Variants in INSR observed in about 807,000 individuals in gnomAD.
INSR encodes the protein insulin receptor, also known as IR.
In INSR, 67 loss-of-function variants were observed where a neutral mutation model predicts 142.6. That is an observed-to-expected ratio of 0.47 (90% CI 0.39 to 0.58). The LOEUF (loss-of-function observed/expected upper bound fraction) is 0.58, where lower values mean the gene tolerates loss of function less well. INSR is among the 20% of genes least tolerant of loss of function. The pLI is 0.00. For missense variants in INSR, 1,248 were observed against 1,833.2 expected (o/e 0.68, Z 5.83); for synonymous variants, 756 against 743.1 (o/e 1.02, Z -0.28).
chr19:7,214,811 C>T (rs1975382270), intron 2 of INSR, among the ~76,000 whole-genome samples: 1 of 144,960 alleles, frequency 6.9e-6, no homozygotes, highest in Admixed American at 6.9e-5. Context: ...TCCTCCCTCC[C>T]CTCCCTCCCT....
chr19:7,257,447 G>A (rs996928242), intron 2 of INSR, among the ~76,000 whole-genome samples: 1 of 151,468 alleles, frequency 6.6e-6, no homozygotes, highest in African/African-American at 2.4e-5. Flanking sequence ...GGGGAAAGGC[G>A]GGGTGGGAGG....
rs139953552 is a variant in INSR, at chr19:7,144,558, C to T, written c.2268-1468G>A. Among the ~76,000 whole-genome samples, 823 of 152,228 alleles carry T rather than the reference C, an allele frequency of 5.4e-3. 10 individuals are homozygous for T. Among genetic ancestry groups the T allele is most frequent in the African/African-American group, 0.019 (801 of 41,552 alleles). On this transcript the variant is annotated intron_variant, in intron 11 of 21. Transcript: ENST00000302850. ...AGCTGGGATTACAGGAGTCCGCCAC[C>T]ATGCCCAGCTAATTTTTGTATTTTT...
intron 1 of INSR, among the ~76,000 whole-genome samples, chr19:7,286,899 T>A (rs1454838600): frequency 2.0e-5 from 3 of 152,014 alleles, no homozygotes; most frequent in African/African-American, 7.2e-5. Context: ...CAGGCTGGAG[T>A]GCAGTGGTAC....
At chr19:7,232,424 C>A (rs1047597895) in intron 2 of INSR, among the ~76,000 whole-genome samples, 1 of 152,150 alleles carries the variant, frequency 6.6e-6, no homozygotes, top group Admixed American at 6.6e-5. Flanking sequence ...AAATTCCCGA[C>A]CTCAAGTGAT....
At chr19:7,162,459 A>C in intron 9 of INSR, among the ~76,000 whole-genome samples, 1 of 148,818 alleles carries the variant, frequency 6.7e-6, no homozygotes, top group African/African-American at 2.5e-5. Context: ...TGCAGTGAGC[A>C]GAGATCATGC....
At chr19:7,152,340 C>A in intron 10 of INSR, 1 of 309,312 alleles carries the variant, frequency 3.2e-6, no homozygotes, top group Non-Finnish European at 6.2e-6. Flanking sequence ...GAAATCGCAC[C>A]ACCGCACTCC....
At position 7,112,499 on chromosome 19, in the gene INSR, C is replaced by T. The variant is rs1472343914; in HGVS notation, c.*4557G>A. ...TTGCCAACGCACAGGGCCGAGGCCACCCAGGCACACAAAGGGACGAGGAGA... is the reference window on the plus strand; with the variant it reads ...TTGCCAACGCACAGGGCCGAGGCCATCCAGGCACACAAAGGGACGAGGAGA... On this transcript the variant is annotated 3_prime_UTR_variant, in exon 22 of 22. Transcript: ENST00000302850. The T allele has an allele frequency of 6.6e-6, 1 of 152,166 alleles. No homozygotes were observed. Among genetic ancestry groups the T allele is most frequent in the African/African-American group, 2.4e-5 (1 of 41,420 alleles). The allele number at this position is 152,166 out of a possible 1,614,324, so 9.4% of individuals were successfully genotyped here.
rs1476997081 is a variant in INSR at position 7,122,699 on chromosome 19, G to A, written c.3444C>T (p.Ala1148=). Residue 1148 remains alanine, a synonymous_variant, in exon 19 of 22, where the codon GCC becomes GCT. Coordinates refer to ENST00000302850, the MANE Select transcript of INSR (RefSeq NM_000208.4). ...GCACAAACTTCTTGGCGTTCAGGTA[G>A]GCCATCCCGTCAGCAATCTCTGCCG... ...QMAAEIADGM[A]YLNAKKFVHR... The A allele has an allele frequency of 1.9e-6, 3 of 1,614,060 alleles. No homozygotes were observed. Among genetic ancestry groups the A allele is most frequent in the East Asian group, 2.2e-5 (1 of 44,898 alleles).
At chr19:7,246,436 T>C (rs1248672757) in intron 2 of INSR, among the ~76,000 whole-genome samples, 1 of 151,940 alleles carries the variant, frequency 6.6e-6, no homozygotes, top group Admixed American at 6.6e-5. Context: ...CCACCAGACA[T>C]GTGAGTGAGG....
At chr19:7,191,114 T>C (rs1974573106) in intron 2 of INSR, among the ~76,000 whole-genome samples, 1 of 152,034 alleles carries the variant, frequency 6.6e-6, no homozygotes, top group Admixed American at 6.6e-5. Context: ...CTGGCCGACA[T>C]GGTGAAACCC....
At chr19:7,205,935 G>A (rs576939711) in intron 2 of INSR, among the ~76,000 whole-genome samples, 142 of 152,224 alleles carry the variant, frequency 9.3e-4, no homozygotes, top group African/African-American at 2.4e-3. Context: ...TAGCCAGCAC[G>A]TGGAGTGCAA....
At chr19:7,270,930 C>T (rs961751617) in intron 1 of INSR, among the ~76,000 whole-genome samples, 6 of 151,692 alleles carry the variant, frequency 4.0e-5, no homozygotes, top group East Asian at 1.9e-4. Flanking sequence ...GGCGTGGTGG[C>T]GGGCACCCGT....
At chr19:7,241,666 C>G (rs1015277518) in intron 2 of INSR, among the ~76,000 whole-genome samples, 3 of 152,036 alleles carry the variant, frequency 2.0e-5, no homozygotes, top group South Asian at 2.1e-4. Context: ...GTGGCACATG[C>G]CTGTGATCCC....
rs1475269763 is a variant in INSR at position 7,113,073 on chromosome 19, G to A, written c.*3983C>T. On this transcript the variant is annotated 3_prime_UTR_variant, in exon 22 of 22. Coordinates refer to ENST00000302850, the MANE Select transcript of INSR (RefSeq NM_000208.4). ...AGGACTCACCAGGTGACATTCAAAG[G>A]ACATTTAACCCTAAACTTCCACCCA... 6.6e-6 allele frequency: 1 copy of A among 152,094 alleles called. No individual in the cohort carries two copies. The highest frequency in any genetic ancestry group is 1.5e-5 in the Non-Finnish European group (1 of 68,024). 9.4% of individuals were successfully genotyped at this position (152,094 alleles called of 1,614,324 possible). A position where few individuals can be genotyped will look rare whatever the true frequency, so the allele number is the denominator to read the frequency against.
chr19:7,262,186 T>C (rs562779254), intron 2 of INSR, among the ~76,000 whole-genome samples: 39 of 152,172 alleles, frequency 2.6e-4, no homozygotes, highest in African/African-American at 8.9e-4. Flanking sequence ...ATAAGCCTCC[T>C]AAGGCTGGGC....
intron 2 of INSR, among the ~76,000 whole-genome samples, chr19:7,252,752 C>T (rs1976765752): frequency 6.6e-6 from 1 of 152,120 alleles, no homozygotes; most frequent in Admixed American, 6.6e-5. Context: ...ACTCAATAAG[C>T]CATGGAGTCA....
chr19:7,233,668 C>CTTTTTTTTTTTTTTTT (rs35763064), intron 2 of INSR, among the ~76,000 whole-genome samples: 2 of 72,408 alleles, frequency 2.8e-5, no homozygotes, highest in Non-Finnish European at 4.7e-5. Context: ...CTTTTTCTGT[C>CTTTTTTTTTTTTTTTT]TTTTTTTTTT....
At chr19:7,229,296 G>GGGA in intron 2 of INSR, among the ~76,000 whole-genome samples, 2 of 99,266 alleles carry the variant, frequency 2.0e-5, no homozygotes, top group Admixed American at 9.9e-5. Context: ...AGTGGATGGA[G>GGGA]GGATGATGGA....
chr19:7,120,764 G>A lies in INSR; in HGVS notation c.3530-15C>T. 1 of 1,613,224 alleles carries A rather than the reference G, an allele frequency of 6.2e-7. No homozygotes were observed. The highest frequency in any genetic ancestry group is 8.5e-7 in the Non-Finnish European group (1 of 1,179,562). On this transcript the variant is annotated splice_polypyrimidine_tract_variant and intron_variant, in intron 19 of 21. Coordinates refer to ENST00000302850, the MANE Select transcript of INSR (RefSeq NM_000208.4). ...CATTCCAAAGTCTGACAACACAAAA[G>A]GTTCACACGCTCTTAACCTTCAGCC...
Sources: gnomAD v4.1 joint callset for allele counts (sites outside exome capture counted in the v4.1 genomes callset) on GRCh38, gnomAD v4.1.1 for gene constraint, MANE v1.5 for transcripts, NCBI Gene and HGNC (gene_info 2026-07-23, HGNC 2026-07-21) for gene names.